BLTP1: variants seen among roughly 807,000 people sequenced by gnomAD.
The protein encoded by BLTP1 is fragile site-associated protein.
chr4:122,274,578 C>T, the BLTP1 span: 7 of 1,357,208 alleles, frequency 5.2e-6, no homozygotes, highest in South Asian at 1.2e-4. Flanking sequence ...AAGAATATCA[C>T]CAAATAAAAT....
chr4:122,275,976 G>A, the BLTP1 span: 1 of 1,558,486 alleles, frequency 6.4e-7, no homozygotes. Flanking sequence ...CTGTAGACTG[G>A]AGGATTTTCC....
At chr4:122,323,303 G>A in the BLTP1 span, among the ~76,000 whole-genome samples, 1 of 152,034 alleles carries the variant, frequency 6.6e-6, no homozygotes, top group African/African-American at 2.4e-5. Flanking sequence ...AGTTTGTTCA[G>A]CTTTTTACTT....
the BLTP1 span, chr4:122,273,523 A>G: frequency 1.4e-6 from 1 of 722,032 alleles, no homozygotes; most frequent in South Asian, 6.2e-5. Context: ...TCATCTGTTT[A>G]GCCAAAGTTA....
chr4:122,244,517 C>T, the BLTP1 span: 23 of 289,656 alleles, frequency 7.9e-5, no homozygotes, highest in Non-Finnish European at 1.0e-4. Context: ...TATTATATTG[C>T]AATAATATAA....
chr4:122,265,036 C>T, the BLTP1 span, among the ~76,000 whole-genome samples: 83 of 152,198 alleles, frequency 5.5e-4, no homozygotes, highest in East Asian at 3.9e-4. Flanking sequence ...TTTGAACAGC[C>T]AGCAGGCAAG....
the BLTP1 span, among the ~76,000 whole-genome samples, chr4:122,317,423 A>G: frequency 2.0e-5 from 3 of 152,232 alleles, no homozygotes; most frequent in African/African-American, 7.2e-5. Flanking sequence ...TATCACATAT[A>G]TGTATCTTTA....
the BLTP1 span, chr4:122,305,318 C>T: frequency 2.1e-6 from 2 of 968,010 alleles, no homozygotes; most frequent in African/African-American, 3.5e-5. Flanking sequence ...AAGTGTATAC[C>T]TTTCCTGTAG....
chr4:122,251,525 A>G, the BLTP1 span: 1 of 970,230 alleles, frequency 1.0e-6, no homozygotes, highest in Non-Finnish European at 1.2e-6. Flanking sequence ...TGTTTAGGGG[A>G]TGGATTATCA....
At chr4:122,348,418 G>T in the BLTP1 span, 1 of 647,674 alleles carries the variant, frequency 1.5e-6, no homozygotes, top group Non-Finnish European at 2.5e-6. Flanking sequence ...TATTATTTTA[G>T]AGGCAATAGG....
At chr4:122,264,289 A>G in the BLTP1 span, 2 of 1,609,338 alleles carry the variant, frequency 1.2e-6, no homozygotes, top group Non-Finnish European at 1.7e-6. Flanking sequence ...CCTCAGCCTC[A>G]GATTTCAACA....
the BLTP1 span, chr4:122,287,507 T>G: frequency 1.1e-6 from 1 of 901,610 alleles, no homozygotes; most frequent in Non-Finnish European, 1.3e-6. Flanking sequence ...GAGCCACGCC[T>G]TAGTGGTCTG....
chr4:122,355,684 T>C, the BLTP1 span: 1 of 1,106,064 alleles, frequency 9.0e-7, no homozygotes, highest in Non-Finnish European at 1.2e-6. Context: ...AATGTGATTC[T>C]TTCCAACTTT....
the BLTP1 span, chr4:122,318,189 A>C: frequency 6.2e-7 from 1 of 1,608,400 alleles, no homozygotes; most frequent in Non-Finnish European, 8.5e-7. Context: ...AGGAAATTCA[A>C]CGTTACCAAC....
At chr4:122,254,865 C>T in the BLTP1 span, 1 of 1,613,776 alleles carries the variant, frequency 6.2e-7, no homozygotes, top group Non-Finnish European at 8.5e-7. Context: ...TTCCCATTGA[C>T]CAACTCAAGT....
At chr4:122,212,142 C>T in the BLTP1 span, 2 of 822,046 alleles carry the variant, frequency 2.4e-6, no homozygotes, top group Middle Eastern at 6.1e-4. Context: ...AGGCTCTCTG[C>T]AGGAAGTGCT....
the BLTP1 span, among the ~76,000 whole-genome samples, chr4:122,334,047 G>A: frequency 3.3e-5 from 5 of 151,958 alleles, no homozygotes; most frequent in African/African-American, 1.2e-4. Flanking sequence ...ATTGATATTC[G>A]TAACAAACTT....
chr4:122,277,036 T>G, the BLTP1 span: 4 of 984,900 alleles, frequency 4.1e-6, no homozygotes, highest in Non-Finnish European at 4.8e-6. Context: ...TTTTGCCAAA[T>G]TTAGTGATTG....
At chr4:122,176,177 C>T in the BLTP1 span, among the ~76,000 whole-genome samples, 6 of 151,860 alleles carry the variant, frequency 4.0e-5, no homozygotes, top group Admixed American at 6.6e-5. Flanking sequence ...GTGGTGGGCA[C>T]CTGTAATCCC....
chr4:122,170,884 A>G, the BLTP1 span: 2 of 566,146 alleles, frequency 3.5e-6, no homozygotes, highest in South Asian at 2.7e-5. Context: ...TGTTATTTAT[A>G]TTTCTTGAAC....
Sources: gnomAD v4.1 joint callset for allele counts (sites outside exome capture counted in the v4.1 genomes callset) on GRCh38, gnomAD v4.1.1 for gene constraint, MANE v1.5 for transcripts, NCBI Gene and HGNC (gene_info 2026-07-23, HGNC 2026-07-21) for gene names.